The following FAT3 variants were observed in gnomAD, a reference collection of about 807,000 sequenced individuals.
The protein encoded by FAT3 is protocadherin Fat 3.
A neutral mutation model predicts 310.2 loss-of-function variants in FAT3; 95 were observed. That is an observed-to-expected ratio of 0.31 (90% CI 0.26 to 0.36). The LOEUF is 0.36. FAT3 is among the 10% of genes least tolerant of loss of function. The pLI is 1.00. For missense variants in FAT3, 5,408 were observed against 5,715.6 expected (o/e 0.95, Z 1.74); for synonymous variants, 2,314 against 2,192.9 (o/e 1.06, Z -1.54).
intron 1 of FAT3, among the ~76,000 whole-genome samples, chr11:92,294,650 G>T (rs989642405): frequency 7.2e-6 from 1 of 139,388 alleles, no homozygotes; most frequent in Non-Finnish European, 1.5e-5. Context: ...CAAAGAAAAA[G>T]ACAGAACCTG....
chr11:92,371,050 A>C (rs184038932), intron 2 of FAT3, among the ~76,000 whole-genome samples: 286 of 152,310 alleles, frequency 1.9e-3, no homozygotes, highest in African/African-American at 6.6e-3. Flanking sequence ...CTGATATGTA[A>C]TCCTATAGCA....
At chr11:92,840,537 T>C (rs907887260) in intron 17 of FAT3, 25 bp from the exon 18 acceptor site, 1 of 1,508,146 alleles carries the variant, frequency 6.6e-7, no homozygotes. Flanking sequence ...TTATCTTCAT[T>C]TTTACTATAT....
chr11:92,880,900 T>C lies in FAT3; in HGVS notation c.12281+16T>C. The C allele has an allele frequency of 6.2e-7, 1 of 1,611,460 alleles. No individual in the cohort carries two copies. The highest frequency in any genetic ancestry group is 8.5e-7 in the Non-Finnish European group (1 of 1,178,682). On this transcript the variant is annotated intron_variant, in intron 23 of 27. Coordinates refer to ENST00000525166, the MANE Select transcript of FAT3 (RefSeq NM_001367949.2). ...CTGGAGTCACGTAAGTGAGATTACA[T>C]AAGTGTCTTTCTCTACACTGTTCTT...
chr11:92,470,747 T>C (rs1414357060), intron 2 of FAT3, among the ~76,000 whole-genome samples: 4 of 152,222 alleles, frequency 2.6e-5, no homozygotes, highest in Non-Finnish European at 5.9e-5. Flanking sequence ...TATTTGTAGC[T>C]TTCAGTGCTA....
intron 2 of FAT3, among the ~76,000 whole-genome samples, chr11:92,489,035 A>G (rs1591359211): frequency 6.6e-6 from 1 of 152,258 alleles, no homozygotes; most frequent in Non-Finnish European, 1.5e-5. Context: ...AGTGCATAGT[A>G]CTATGCCTGG....
At chr11:92,773,106 T>C (rs183590483) in intron 6 of FAT3, among the ~76,000 whole-genome samples, 2 of 152,252 alleles carry the variant, frequency 1.3e-5, no homozygotes, top group East Asian at 3.9e-4. Context: ...CATGCTTAAT[T>C]AAAATTGTTC....
At chr11:92,291,860 A>G (rs1392867238) in intron 1 of FAT3, among the ~76,000 whole-genome samples, 3 of 152,008 alleles carry the variant, frequency 2.0e-5, no homozygotes, top group East Asian at 1.9e-4. Flanking sequence ...CTTGCCTTCC[A>G]TGTTCCTCTG....
intron 2 of FAT3, among the ~76,000 whole-genome samples, chr11:92,474,900 C>A (rs189751867): frequency 6.6e-6 from 1 of 152,258 alleles, no homozygotes; most frequent in Admixed American, 6.5e-5. Context: ...ATCTCTTTTC[C>A]TTCCTGATTG....
At chr11:92,506,529 C>T (rs577636883) in intron 2 of FAT3, among the ~76,000 whole-genome samples, 7 of 152,292 alleles carry the variant, frequency 4.6e-5, no homozygotes, top group African/African-American at 1.4e-4. Flanking sequence ...GAGCCATTCA[C>T]ACAATTTTTA....
At chr11:92,274,389 G>A (rs1210709724) in intron 1 of FAT3, among the ~76,000 whole-genome samples, 2 of 152,022 alleles carry the variant, frequency 1.3e-5, no homozygotes, top group Non-Finnish European at 2.9e-5. Context: ...TTGTATGAAT[G>A]ACAAAAGGGT....
At chr11:92,868,035 T>C (rs1167681520) in intron 22 of FAT3, among the ~76,000 whole-genome samples, 1 of 152,224 alleles carries the variant, frequency 6.6e-6, no homozygotes, top group Non-Finnish European at 1.5e-5. Context: ...TCTGTGTTAA[T>C]GTAAACTAGG....
intron 3 of FAT3, among the ~76,000 whole-genome samples, chr11:92,683,828 T>C (rs777374875): frequency 1.3e-5 from 2 of 152,194 alleles, no homozygotes; most frequent in Non-Finnish European, 2.9e-5. Flanking sequence ...ATTAATATAA[T>C]TTCAAACCTT....
rs552098641 is a variant in FAT3, at chr11:92,283,847, C to T, written c.-18+58673C>T. Among the ~76,000 whole-genome samples, 3 of 152,172 alleles carry T rather than the reference C, an allele frequency of 2.0e-5. No individual in the cohort carries two copies. In the South Asian group the frequency reaches 6.2e-4, roughly 32 times the overall value. Reference sequence around the variant, plus strand: ...AGATGCCGCACCAGACATTGACCTACCCTTCAAACACCTTAAATTTTAGAA... The same window carrying T: ...AGATGCCGCACCAGACATTGACCTATCCTTCAAACACCTTAAATTTTAGAA... On this transcript the variant is annotated intron_variant, in intron 1 of 27. Coordinates refer to ENST00000525166, the MANE Select transcript of FAT3 (RefSeq NM_001367949.2).
At chr11:92,768,625 G>A (rs996389445) in intron 6 of FAT3, among the ~76,000 whole-genome samples, 1 of 152,034 alleles carries the variant, frequency 6.6e-6, no homozygotes, top group African/African-American at 2.4e-5. Flanking sequence ...TCATCTCTCT[G>A]TTCCCTTCCT....
intron 4 of FAT3, among the ~76,000 whole-genome samples, chr11:92,740,657 G>T (rs1331761546): frequency 2.0e-5 from 3 of 152,072 alleles, no homozygotes; most frequent in African/African-American, 7.2e-5. Context: ...TGATTTCATG[G>T]TCAAAAGATA....
At chr11:92,787,379 A>G (rs1946922323) in intron 7 of FAT3, among the ~76,000 whole-genome samples, 1 of 151,934 alleles carries the variant, frequency 6.6e-6, no homozygotes, top group Admixed American at 6.6e-5. Context: ...ACCTTTATAT[A>G]TAATATTAAA....
chr11:92,427,029 G>A (rs1950650598), intron 2 of FAT3, among the ~76,000 whole-genome samples: 1 of 152,060 alleles, frequency 6.6e-6, no homozygotes, highest in Non-Finnish European at 1.5e-5. Flanking sequence ...TTTTCCATTT[G>A]TTTGTGTCCT....
chr11:92,574,028 C>G (rs1938332758), intron 3 of FAT3, among the ~76,000 whole-genome samples: 1 of 62,504 alleles, frequency 1.6e-5, no homozygotes, highest in Non-Finnish European at 6.4e-5. Flanking sequence ...AATAAAAGAG[C>G]AAACACATAT....
At chr11:92,385,609 C>G (rs913564741) in intron 2 of FAT3, among the ~76,000 whole-genome samples, 1 of 151,838 alleles carries the variant, frequency 6.6e-6, no homozygotes, top group Non-Finnish European at 1.5e-5. Context: ...CTGAGGTGAT[C>G]CACCTGCCTC....
Sources: gnomAD v4.1 joint callset for allele counts (sites outside exome capture counted in the v4.1 genomes callset) on GRCh38, gnomAD v4.1.1 for gene constraint, MANE v1.5 for transcripts, NCBI Gene and HGNC (gene_info 2026-07-23, HGNC 2026-07-21) for gene names.